Variants in DEAF1 observed in about 807,000 individuals in gnomAD.
DEAF1 encodes DEAF1 transcription factor, also known as deformed epidermal autoregulatory factor 1 homolog.
DEAF1 carries 53 observed loss-of-function variants against 58.9 expected under a neutral mutation model. That is an observed-to-expected ratio of 0.90 (90% confidence interval 0.72 to 1.13). The LOEUF (loss-of-function observed/expected upper bound fraction) is 1.13, where lower values mean the gene tolerates loss of function less well. Ranked by LOEUF, DEAF1 falls within the 50% of genes most tolerant of loss-of-function variation. The pLI is 0.00. For missense variants in DEAF1, 685 were observed against 791.4 expected (o/e 0.87, Z 1.61); for synonymous variants, 385 against 340.4 (o/e 1.13, Z -1.44).
At chr11:704,659 C>A in intron 1 of DEAF1, 1 of 1,287,776 alleles carries the variant, frequency 7.8e-7, no homozygotes, top group Non-Finnish European at 1.0e-6. Flanking sequence ...GATCCTGATA[C>A]CTCCAGTCTC....
At chr11:694,471 A>G (rs1225660696) in intron 1 of DEAF1, 10 of 263,682 alleles carry the variant, frequency 3.8e-5, no homozygotes, top group Non-Finnish European at 5.8e-5. Flanking sequence ...GGTCACCTGG[A>G]GCAGGTACGT....
At chr11:665,898 CAG>C (rs922261992) in intron 10 of DEAF1, 1 of 152,336 alleles carries the variant, frequency 6.6e-6, no homozygotes, top group African/African-American at 2.4e-5. Flanking sequence ...GGAGCAAGCA[CAG>C]AGAGAGGACA....
upstream of DEAF1, chr11:700,211 A>G (rs1477854886): frequency 1.2e-6 from 2 of 1,613,982 alleles, no homozygotes; most frequent in African/African-American, 2.7e-5. Flanking sequence ...TTTCCTCGCC[A>G]CGCTCCTGAT....
At chr11:675,062 T>C (rs1411928737) in intron 9 of DEAF1, among the ~76,000 whole-genome samples, 2 of 152,076 alleles carry the variant, frequency 1.3e-5, no homozygotes, top group African/African-American at 2.4e-5. Flanking sequence ...TAGACGCCTG[T>C]AGTCCCAGCT....
chr11:704,325 G>A (rs1040340461), intron 1 of DEAF1: 39 of 781,864 alleles, frequency 5.0e-5, no homozygotes, highest in Middle Eastern at 5.1e-4. Flanking sequence ...GGGCTCCCTC[G>A]GCTGGGGTGG....
chr11:699,196 G>A, upstream of DEAF1: 1 of 460,738 alleles, frequency 2.2e-6, no homozygotes, highest in Non-Finnish European at 3.9e-6. Context: ...CCCTCACTTT[G>A]TCCCTAGATT....
intron 9 of DEAF1, among the ~76,000 whole-genome samples, chr11:675,693 G>A (rs901282324): frequency 5.3e-5 from 8 of 152,184 alleles, no homozygotes; most frequent in East Asian, 1.9e-4. Flanking sequence ...GCGTGGAAGC[G>A]TCTATAATCC....
rs1858370582 is a variant in DEAF1, at chr11:644,258, A to G, written c.*292T>C. 1 of 514,716 alleles carries G rather than the reference A, an allele frequency of 1.9e-6. No homozygotes were observed. Among genetic ancestry groups the G allele is most frequent in the South Asian group, 2.0e-5 (1 of 49,240 alleles). The allele number at this position is 514,716 out of a possible 1,614,324, so 31.9% of individuals were successfully genotyped here. A position where few individuals can be genotyped will look rare whatever the true frequency, so the allele number is the denominator to read the frequency against. The stretch of plus-strand genomic sequence containing the variant: ...GACCTTATTTACACTTTATTGACAG[A>G]CACAACACGTATGTATGTGCGTCGC... On this transcript the variant is annotated 3_prime_UTR_variant, in exon 12 of 12. Transcript: ENST00000382409. The surrounding 1 kb of genome is among the most constrained non-coding windows in gnomAD (Gnocchi z 4.3).
intron 10 of DEAF1, among the ~76,000 whole-genome samples, chr11:668,533 A>C (rs1166400341): frequency 2.0e-5 from 3 of 152,090 alleles, no homozygotes; most frequent in Admixed American, 2.0e-4. Flanking sequence ...TAATGAAGGA[A>C]ACATTTTGGC....
intron 1 of DEAF1, chr11:704,860 G>T: frequency 2.7e-6 from 1 of 363,950 alleles, no homozygotes; most frequent in South Asian, 2.1e-5. Context: ...CCTCTCCAGC[G>T]CCTGTTTCCC....
chr11:695,823 G>T, upstream of DEAF1: 3 of 1,231,368 alleles, frequency 2.4e-6, no homozygotes, highest in Non-Finnish European at 3.0e-6. Context: ...GGCGGGGCGG[G>T]TAAGATGGCG....
chr11:679,815 G>T lies in DEAF1; in HGVS notation c.999C>A (p.Phe333Leu). Residue 333 changes from phenylalanine (F) to leucine (L), a missense_variant and splice_region_variant, in exon 8 of 12, where the codon TTC (phenylalanine) becomes TTA (leucine). Transcript: ENST00000382409. The part of the protein sequence containing the change: ...TLLPATAATT[F>L]TVTPSGQITT... ...TGATCTGTCCCGAGGGGGTCACGGT[G>T]ACTGGAAAGGCAGAAGCACATTTCA... The T allele has an allele frequency of 6.2e-7, 1 of 1,613,360 alleles. No individual in the cohort carries two copies. Among genetic ancestry groups the T allele is most frequent in the South Asian group, 1.1e-5 (1 of 91,086 alleles).
chr11:646,269 A>T, intron 11 of DEAF1: 1 of 151,992 alleles, frequency 6.6e-6, no homozygotes, highest in East Asian at 1.9e-4. Context: ...AAAAAAAAAA[A>T]AAAAATTAAA....
chr11:678,707 T>TG lies in DEAF1; in HGVS notation c.1241dup (p.His415ThrfsTer61). On this transcript the variant is annotated frameshift_variant, in exon 9 of 12. Transcript: ENST00000382409. LOFTEE classifies it high-confidence loss of function. ...TTTCAAACCTACCTATTTTGGGATG[T>TG]GACGTTGGCAACGCAGCTTCTGGAA... 6.2e-7 allele frequency: 1 copy of TG among 1,614,156 alleles called. No homozygotes were observed.
intron 10 of DEAF1, among the ~76,000 whole-genome samples, chr11:670,998 G>A (rs1302880256): frequency 9.8e-5 from 14 of 142,276 alleles, no homozygotes; most frequent in African/African-American, 3.5e-4. Flanking sequence ...GCGCGATCTC[G>A]GCTCACTGCA....
intron 1 of DEAF1, 97 bp from the exon 2 acceptor site, chr11:691,695 C>T: frequency 1.0e-6 from 1 of 975,478 alleles, no homozygotes; most frequent in Non-Finnish European, 1.6e-6. Context: ...GACTCCCCCT[C>T]AGGTGTGTGC....
rs943794199 is a variant in DEAF1 at position 688,963 on chromosome 11, C to T, written c.388-503G>A. On this transcript the variant is annotated intron_variant, in intron 2 of 11. Transcript: ENST00000382409. The surrounding 1 kb of genome is among the most constrained non-coding windows in gnomAD (Gnocchi z 4.3). ...AAATCAGCCTTCAGGCGGCACAGAC[C>T]CCGCCACAGGAAGCCAGAGTCTCCA... Among the ~76,000 whole-genome samples the T allele has an allele frequency of 6.6e-6, 1 of 152,120 alleles. No individual in the cohort carries two copies. Among genetic ancestry groups the T allele is most frequent in the African/African-American group, 2.4e-5 (1 of 41,414 alleles).
chr11:657,713 A>G (rs11246245), intron 10 of DEAF1, among the ~76,000 whole-genome samples: 15,559 of 152,200 alleles, frequency 0.1, 889 homozygotes, highest in Admixed American at 0.19. Flanking sequence ...GACAGGCGGC[A>G]GCACCCCTCC....
intron 10 of DEAF1, chr11:654,695 CCA>C (rs1858963365): frequency 2.2e-6 from 1 of 449,198 alleles, no homozygotes. Context: ...GTTGCGAAAC[CCA>C]GTCTCTACTA....
Sources: allele counts gnomAD v4.1 joint callset (sites outside exome capture counted in the v4.1 genomes callset), GRCh38; gene constraint gnomAD v4.1.1; non-coding constraint Gnocchi (gnomAD v3.1); transcripts MANE v1.5; gene names NCBI Gene and HGNC (gene_info 2026-07-23, HGNC 2026-07-21).